The following CCDC197 variants were observed in gnomAD, a reference collection of about 807,000 sequenced individuals.
The protein encoded by CCDC197 is coiled-coil domain containing 197, also known as uncharacterized protein CCDC197.
CCDC197 carries 24 observed loss-of-function variants against 13.4 expected under a neutral mutation model. That is an observed-to-expected ratio of 1.80 (90% CI 1.30 to 2.53). The LOEUF (loss-of-function observed/expected upper bound fraction) is 2.53, where lower values mean the gene tolerates loss of function less well. Ranked by LOEUF, CCDC197 falls within the 30% of genes most tolerant of loss-of-function variation. CCDC197 has a pLI of 0.00. For synonymous variants in CCDC197, 99 were observed against 55.5 expected (o/e 1.78, Z -3.48); for missense variants, 255 against 148.8 (o/e 1.71, Z -3.71).
intron 1 of CCDC197, among the ~76,000 whole-genome samples, chr14:93,989,098 G>A (rs1890164004): frequency 6.6e-6 from 1 of 152,008 alleles, no homozygotes; most frequent in South Asian, 2.1e-4. Context: ...GAGGGCAGGG[G>A]AGTCTCAATG....
At chr14:94,011,474 G>T (rs8010901), downstream of CCDC197, among the ~76,000 whole-genome samples, 1 of 152,312 alleles carries the variant, frequency 6.6e-6, no homozygotes, top group Admixed American at 6.5e-5. Context: ...GGCTGGGGCC[G>T]TGAATTGGAC....
intron 1 of CCDC197, among the ~76,000 whole-genome samples, chr14:93,991,538 G>C (rs1890210661): frequency 6.6e-6 from 1 of 152,226 alleles, no homozygotes; most frequent in Non-Finnish European, 1.5e-5. Context: ...CATCTATCGA[G>C]CGCCTGCTGT....
chr14:93,998,230 G>A lies in CCDC197; in HGVS notation c.99G>A (p.Gln33=). The change falls in exon 2 of 7, where the codon CAG becomes CAA. Residue 33 remains glutamine (Q), a synonymous_variant. Coordinates refer to ENST00000636493, the MANE Select transcript of CCDC197 (RefSeq NM_001351596.2). ...TGTGGCAGGAACTCTACCAGCTCCA[G>A]GCTAAGTATGTGTTGTCCCACCCCT... ...QGLWQELYQL[Q]AKQKKLKREV... 5 of 779,896 alleles carry A rather than the reference G, an allele frequency of 6.4e-6. No individual in the cohort carries two copies. Among genetic ancestry groups the A allele is most frequent in the Non-Finnish European group, 1.2e-5 (5 of 418,112 alleles). 48.3% of individuals were successfully genotyped at this position (779,896 alleles called of 1,614,324 possible).
At chr14:93,993,280 TC>T (rs1890238455), upstream of CCDC197, among the ~76,000 whole-genome samples, 1 of 152,200 alleles carries the variant, frequency 6.6e-6, no homozygotes, top group Admixed American at 6.5e-5. Flanking sequence ...ACAGATACTC[TC>T]TTAAAGAGTT....
intron 6 of CCDC197, among the ~76,000 whole-genome samples, chr14:94,006,131 G>T (rs59508125): frequency 6.6e-6 from 1 of 152,054 alleles, no homozygotes; most frequent in Non-Finnish European, 1.5e-5. Flanking sequence ...AATGTACGAG[G>T]GTTCCAATTT....
At chr14:94,011,084 C>T (rs1890800276), downstream of CCDC197, among the ~76,000 whole-genome samples, 1 of 152,236 alleles carries the variant, frequency 6.6e-6, no homozygotes, top group South Asian at 2.1e-4. Context: ...AAGCCAGGCA[C>T]TGCTCCACTG....
At chr14:93,990,223 G>A (rs1890184163) in intron 1 of CCDC197, among the ~76,000 whole-genome samples, 1 of 152,148 alleles carries the variant, frequency 6.6e-6, no homozygotes, top group Admixed American at 6.5e-5. Context: ...AGATGTGACT[G>A]CTCACCACAT....
chr14:93,990,411 C>T (rs1043154666), intron 1 of CCDC197, among the ~76,000 whole-genome samples: 5 of 152,150 alleles, frequency 3.3e-5, no homozygotes, highest in South Asian at 4.1e-4. Context: ...CCATTAAGAA[C>T]ATCAGGAATC....
chr14:93,990,639 A>G (rs1204112026), intron 1 of CCDC197, among the ~76,000 whole-genome samples: 1 of 152,120 alleles, frequency 6.6e-6, no homozygotes, highest in East Asian at 1.9e-4. Context: ...TTCACCCTCT[A>G]GTGGACTGTG....
downstream of CCDC197, among the ~76,000 whole-genome samples, chr14:94,010,586 G>A (rs1182887267): frequency 2.6e-5 from 4 of 152,230 alleles, no homozygotes; most frequent in Non-Finnish European, 5.9e-5. Context: ...AGGAAAGAGG[G>A]CACCTCAGGT....
chr14:94,006,448 C>T (rs373938070), intron 6 of CCDC197, among the ~76,000 whole-genome samples: 7 of 151,956 alleles, frequency 4.6e-5, no homozygotes, highest in Admixed American at 1.3e-4. Context: ...CTCTGCCTCC[C>T]GGGTTCAAGC....
At chr14:93,989,430 G>T (rs556501862) in intron 1 of CCDC197, among the ~76,000 whole-genome samples, 4 of 152,270 alleles carry the variant, frequency 2.6e-5, no homozygotes, top group African/African-American at 9.6e-5. Context: ...TAGAGCAGAT[G>T]CTGCTCAGAG....
At chr14:93,990,283 TC>T (rs1890186157) in intron 1 of CCDC197, among the ~76,000 whole-genome samples, 1 of 152,212 alleles carries the variant, frequency 6.6e-6, no homozygotes, top group African/African-American at 2.4e-5. Context: ...TAGATCTGTT[TC>T]TTTCCTAGAC....
In CCDC197 at chr14:93,991,159, C is replaced by T. The variant is rs967000398; in HGVS notation, c.-107+3763C>T. Among the ~76,000 whole-genome samples, 18 of 152,186 alleles carry T rather than the reference C, an allele frequency of 1.2e-4. 1 individual carries two copies. The highest frequency in any genetic ancestry group is 3.9e-4 in the East Asian group (2 of 5,174). On this transcript the variant is annotated intron_variant, in intron 1 of 7. Coordinates refer to the CCDC197 transcript ENST00000640978. ...AAACTAGGACTGAGGCAGGGGACAC[C>T]GGAAGAAACTTATTTGGATTCAATA...
At chr14:94,000,996 G>T in intron 3 of CCDC197, 149 bp from the exon 4 acceptor site, 1 of 513,644 alleles carries the variant, frequency 1.9e-6, no homozygotes, top group Non-Finnish European at 3.4e-6. Context: ...GGCAAGCCCG[G>T]GACCATCCTA....
chr14:94,001,514 C>T lies in CCDC197; in HGVS notation c.366+191C>T, dbSNP rs58493067. 3.5e-3 allele frequency: 1,807 copies of T among 523,030 alleles called. 35 individuals are homozygous for T. The highest frequency in any genetic ancestry group is 0.033 in the African/African-American group (1,683 of 51,590). The allele number at this position is 523,030 out of a possible 1,614,324, so 32.4% of individuals were successfully genotyped here. ...CCTCTCCCCTCTGCTGCCTGAGGCT[C>T]AGCTCGTGCCTAACGTTGTTCTGCG... is the stretch of plus-strand genomic sequence containing the variant. On this transcript the variant is annotated intron_variant, in intron 4 of 6. Transcript: ENST00000636493.
At chr14:94,007,645 TG>T (rs904037947) in intron 6 of CCDC197, 1 of 152,128 alleles carries the variant, frequency 6.6e-6, no homozygotes, top group Non-Finnish European at 1.5e-5. Flanking sequence ...GGTGCCTGGG[TG>T]GGTTTCAGGC....
At chr14:93,998,761 C>T (rs150034305) in intron 2 of CCDC197, among the ~76,000 whole-genome samples, 4 of 152,360 alleles carry the variant, frequency 2.6e-5, no homozygotes, top group South Asian at 2.1e-4. Flanking sequence ...AGCACTGTCA[C>T]GGCTCACAGG....
downstream of CCDC197, among the ~76,000 whole-genome samples, chr14:94,011,587 C>G (rs1368917293): frequency 6.6e-6 from 1 of 152,258 alleles, no homozygotes; most frequent in African/African-American, 2.4e-5. Flanking sequence ...CTCGCTCCCC[C>G]ATGACCCTGC....
Sources: gnomAD v4.1 joint callset for allele counts (sites outside exome capture counted in the v4.1 genomes callset) on GRCh38, gnomAD v4.1.1 for gene constraint, MANE v1.5 for transcripts, NCBI Gene and HGNC (gene_info 2026-07-23, HGNC 2026-07-21) for gene names.